The following LIMA1 variants were observed in gnomAD, a reference collection of about 807,000 sequenced individuals.
LIMA1 encodes the protein LIM domain and actin binding 1, also known as LIM domain and actin-binding protein 1.
A neutral mutation model predicts 62.6 loss-of-function variants in LIMA1; 52 were observed. The ratio of observed to expected loss-of-function variants is 0.83; its 90% CI spans 0.67 to 1.05. LIMA1 has a LOEUF of 1.05. Among genes scored for constraint, LIMA1 ranks in the 50% least tolerant of loss-of-function variants. The pLI is 0.00. For missense variants in LIMA1, 780 were observed against 902.2 expected, an observed-to-expected ratio of 0.86 and a Z score of 1.74; for synonymous variants, 302 against 317.8, an observed-to-expected ratio of 0.95 and a Z score of 0.53.
At chr12:50,246,146 C>A (rs984677800) in intron 2 of LIMA1, among the ~76,000 whole-genome samples, 15 of 150,790 alleles carry the variant, frequency 9.9e-5, no homozygotes, top group Admixed American at 2.6e-4. Context: ...GCAGGAGAAT[C>A]GCTTGAACCC....
chr12:50,261,979 G>C (rs934050654), intron 1 of LIMA1, among the ~76,000 whole-genome samples: 37 of 152,144 alleles, frequency 2.4e-4, no homozygotes, highest in Non-Finnish European at 4.0e-4. Context: ...AGAGACTAGT[G>C]TTTCTGGGGA....
rs964141747 is a variant in LIMA1 at position 50,256,032 on chromosome 12, G to C, written c.-23-7258C>G. Among the ~76,000 whole-genome samples the C allele has an allele frequency of 3.3e-5, 5 of 152,096 alleles. No homozygotes were observed. The South Asian group carries it at 6.3e-4, about 19-fold the overall frequency. ...AGCCTCCTGGGTAGCTGTGATTACA[G>C]GCATGTGCCACCACACTCGGCTAAT... On this transcript the variant is annotated intron_variant, in intron 1 of 10. Coordinates refer to ENST00000341247, the MANE Select transcript of LIMA1 (RefSeq NM_016357.5).
chr12:50,270,864 G>C (rs1475979041), intron 1 of LIMA1, among the ~76,000 whole-genome samples: 1 of 151,976 alleles, frequency 6.6e-6, no homozygotes, highest in Non-Finnish European at 1.5e-5. Flanking sequence ...AGGCCGAGGT[G>C]GGCGGATGAC....
chr12:50,187,967 A>G (rs1345070156), intron 9 of LIMA1: 4 of 152,132 alleles, frequency 2.6e-5, no homozygotes, highest in Admixed American at 2.0e-4. Flanking sequence ...AAGGCCTGAT[A>G]CTTCTCACAG....
chr12:50,255,281 G>A (rs930544663), intron 1 of LIMA1, among the ~76,000 whole-genome samples: 1 of 151,898 alleles, frequency 6.6e-6, no homozygotes, highest in African/African-American at 2.4e-5. Context: ...TGGGCCACAT[G>A]TGGTGGCTCA....
intron 7 of LIMA1, among the ~76,000 whole-genome samples, chr12:50,196,980 C>T (rs1302664584): frequency 6.6e-6 from 1 of 151,782 alleles, no homozygotes; most frequent in Non-Finnish European, 1.5e-5. Context: ...ACAAAAAGCT[C>T]TTCAGTTCTT....
At position 50,236,585 on chromosome 12, in the gene LIMA1, C is replaced by A. The variant is rs550829248; in HGVS notation, c.120-4875G>T. ...AAGTGCTGGGATTACAGGCGTGAGCCACCGCACCCGGCCGGAAAAGATTTT... is the reference window on the plus strand; with the variant it reads ...AAGTGCTGGGATTACAGGCGTGAGCAACCGCACCCGGCCGGAAAAGATTTT... On this transcript the variant is annotated intron_variant, in intron 2 of 10. Transcript: ENST00000341247. Among the ~76,000 whole-genome samples the A allele has an allele frequency of 3.6e-3, 548 of 152,142 alleles. 4 individuals are homozygous for A. The highest frequency in any genetic ancestry group is 6.0e-3 in the Non-Finnish European group (406 of 68,002).
rs1347898695 is a variant in LIMA1 at position 50,200,628 on chromosome 12, G to A, written c.972+149C>T. The A allele has an allele frequency of 3.7e-6, 3 of 821,904 alleles. No homozygotes were observed. The South Asian group carries it at 4.4e-5, about 12-fold the overall frequency. 50.9% of individuals were successfully genotyped at this position (821,904 alleles called of 1,614,324 possible). Reference sequence around the variant, plus strand: ...TGCAGAGCTACTCAACTGAAATTATGTGACCTGCAAAAATGGCAATCTGTC... The same window carrying A: ...TGCAGAGCTACTCAACTGAAATTATATGACCTGCAAAAATGGCAATCTGTC... On this transcript the variant is annotated intron_variant, in intron 7 of 10. Coordinates refer to ENST00000341247, the MANE Select transcript of LIMA1 (RefSeq NM_016357.5).
At chr12:50,185,074 C>G (rs1437127872) in intron 9 of LIMA1, among the ~76,000 whole-genome samples, 1 of 152,196 alleles carries the variant, frequency 6.6e-6, no homozygotes, top group Non-Finnish European at 1.5e-5. Context: ...TTGTGATCTG[C>G]CCACCTTGGC....
In LIMA1 at chr12:50,178,966, ATT is replaced by A. The variant is rs1555203081; in HGVS notation, c.1275-899_1275-898del. 1.8e-3 allele frequency among the ~76,000 whole-genome samples: 232 copies of A among 128,962 alleles called. 1 individual carries two copies. The highest frequency in any genetic ancestry group is 4.0e-3 in the Middle Eastern group (1 of 250). 84.6% of individuals were successfully genotyped at this position (128,962 alleles called of 152,430 possible). ...TATATAAATACATATATATATATAT[ATT>A]TTTTTTTTCTTTTTCTTTTCTTTTT... On this transcript the variant is annotated intron_variant, in intron 10 of 10. Transcript: ENST00000341247.
Position 50,177,387 on chromosome 12 carries a change from A to G in LIMA1, c.1957T>C (p.Trp653Arg). The change falls in exon 11 of 11, where the codon TGG (tryptophan) becomes CGG (arginine). Residue 653 changes from tryptophan to arginine, a missense_variant. Trp to Arg is a moderately radical substitution (Grantham distance 101, BLOSUM62 -3). Transcript: ENST00000341247. ...KKNGNVGKTTWQNKESKGETG... is the reference protein window; with the variant it reads ...KKNGNVGKTTRQNKESKGETG... Reference sequence around the variant, plus strand: ...TCTCCTTTAGATTCTTTGTTTTGCCAGGTTGTTTTTCCCACATTCCCATTC... The same window carrying G: ...TCTCCTTTAGATTCTTTGTTTTGCCGGGTTGTTTTTCCCACATTCCCATTC... 2 of 1,614,102 alleles carry G rather than the reference A, an allele frequency of 1.2e-6. No individual in the cohort carries two copies. Among genetic ancestry groups the G allele is most frequent in the Non-Finnish European group, 1.7e-6 (2 of 1,180,020 alleles).
chr12:50,214,987 G>A (rs184379699), intron 4 of LIMA1, among the ~76,000 whole-genome samples: 1 of 152,158 alleles, frequency 6.6e-6, no homozygotes, highest in African/African-American at 2.4e-5. Context: ...AATAATTTCT[G>A]CAACAATCTG....
chr12:50,269,592 A>T (rs1488005574), intron 1 of LIMA1, among the ~76,000 whole-genome samples: 1 of 152,102 alleles, frequency 6.6e-6, no homozygotes, highest in Non-Finnish European at 1.5e-5. Context: ...CTGCACCATA[A>T]AGTCTAAATC....
chr12:50,205,173 G>A (rs1400835461), intron 5 of LIMA1, among the ~76,000 whole-genome samples: 1 of 151,912 alleles, frequency 6.6e-6, no homozygotes, highest in Non-Finnish European at 1.5e-5. Flanking sequence ...GAAGTCTTGG[G>A]CTCAAATGAT....
intron 7 of LIMA1, among the ~76,000 whole-genome samples, chr12:50,198,818 C>G (rs1042820331): frequency 2.0e-5 from 3 of 152,188 alleles, no homozygotes; most frequent in African/African-American, 7.2e-5. Flanking sequence ...GATAATTCCC[C>G]TGACATAAAT....
At chr12:50,277,686 A>G (rs995533649) in intron 1 of LIMA1, among the ~76,000 whole-genome samples, 2 of 152,146 alleles carry the variant, frequency 1.3e-5, no homozygotes, top group African/African-American at 4.8e-5. Context: ...CCTCAAAACA[A>G]TGGGCATTTA....
At chr12:50,200,739 G>GCTTC in intron 7 of LIMA1, 38 bp downstream of exon 7, 1 of 1,599,520 alleles carries the variant, frequency 6.3e-7, no homozygotes, top group African/African-American at 1.3e-5. Flanking sequence ...TAGAACACAT[G>GCTTC]CTTCCTTGGC....
At position 50,222,210 on chromosome 12, in the gene LIMA1, G is replaced by A. The variant is rs749914465; in HGVS notation, c.441C>T (p.Asp147=). 4.3e-6 allele frequency: 7 copies of A among 1,614,042 alleles called. No individual in the cohort carries two copies. The highest frequency in any genetic ancestry group is 1.7e-5 in the Admixed American group (1 of 60,004). The change falls in exon 4 of 11, where the codon GAC becomes GAT. Residue 147 remains aspartate (D), a synonymous_variant. Transcript: ENST00000341247. ...TTGAGTGGTCTTTAAGATCCTCACC[G>A]TCCTTGATGTGGGGATATCGACCCT... ...LVQGRYPHIK[D]GEDLKDHSTE... is the part of the protein sequence containing the mutation.
chr12:50,179,453 T>C (rs1369376232), intron 10 of LIMA1, among the ~76,000 whole-genome samples: 1 of 146,272 alleles, frequency 6.8e-6, no homozygotes, highest in Non-Finnish European at 1.5e-5. Context: ...TTTGTTTTTT[T>C]TTGAGACAGA....
Sources: gnomAD v4.1 joint callset for allele counts (sites outside exome capture counted in the v4.1 genomes callset) on GRCh38, gnomAD v4.1.1 for gene constraint, MANE v1.5 for transcripts, NCBI Gene and HGNC (gene_info 2026-07-23, HGNC 2026-07-21) for gene names.